The following KANSL1 variants were observed in gnomAD, a reference collection of about 807,000 sequenced individuals.
KANSL1 encodes KAT8 regulatory NSL complex subunit 1.
A neutral mutation model predicts 103.6 loss-of-function variants in KANSL1; 22 were observed. That is an observed-to-expected ratio of 0.21 (90% CI 0.15 to 0.30). KANSL1 has a LOEUF of 0.30. Ranked by LOEUF, KANSL1 falls within the 10% of genes least tolerant of loss-of-function variation. The pLI is 1.00. For missense variants in KANSL1, 1,337 were observed against 1,399.8 expected (o/e 0.96, Z 0.72); for synonymous variants, 600 against 527.6 (o/e 1.14, Z -1.88).
chr17:46,177,979 A>C (rs534153733), intron 1 of KANSL1, among the ~76,000 whole-genome samples: 5 of 152,272 alleles, frequency 3.3e-5, no homozygotes, highest in African/African-American at 1.2e-4. Context: ...GGGTTTCACC[A>C]TGTTAGCCAG....
chr17:46,208,133 T>C (rs1435145514), intron 1 of KANSL1, among the ~76,000 whole-genome samples: 1 of 151,760 alleles, frequency 6.6e-6, no homozygotes, highest in Non-Finnish European at 1.5e-5. Flanking sequence ...GTTTCAAAGA[T>C]AAAACAAAAA....
intron 2 of KANSL1, among the ~76,000 whole-genome samples, chr17:46,109,233 C>T (rs867007241): frequency 6.6e-6 from 1 of 152,286 alleles, no homozygotes; most frequent in Middle Eastern, 3.4e-3. Flanking sequence ...CAGGTGTGAG[C>T]CACTGCACCC....
chr17:46,055,465 C>CAAA (rs34767403), intron 6 of KANSL1, among the ~76,000 whole-genome samples: 1 of 119,994 alleles, frequency 8.3e-6, no homozygotes, highest in Non-Finnish European at 1.7e-5. Flanking sequence ...AACTCCCTCT[C>CAAA]AAAAAAAAAA....
In KANSL1 at chr17:46,218,813, G is replaced by T. The variant is rs77294312; in HGVS notation, c.-90+4858C>A. Among the ~76,000 whole-genome samples the T allele has an allele frequency of 2.0e-5, 3 of 151,802 alleles. No homozygotes were observed. In the South Asian group the frequency reaches 6.2e-4, roughly 31 times the overall value. The stretch of plus-strand genomic sequence containing the variant: ...AAAAAAAAATTAGTAATTACAATAA[G>T]AACAGTAGTAGTCCACTGAACCAAA... On this transcript the variant is annotated intron_variant, in intron 1 of 14. Coordinates refer to the KANSL1 transcript ENST00000572904.
At chr17:46,076,253 G>C (rs1038149275) in intron 4 of KANSL1, among the ~76,000 whole-genome samples, 12 of 152,152 alleles carry the variant, frequency 7.9e-5, no homozygotes, top group Non-Finnish European at 1.6e-4. Context: ...CCAGCACTTT[G>C]GGAGGCCGAG....
chr17:46,032,428 A>G, intron 13 of KANSL1, 129 bp from the exon 14 acceptor site: 3 of 713,820 alleles, frequency 4.2e-6, no homozygotes, highest in Non-Finnish European at 6.7e-6. Context: ...CTTAGGATCC[A>G]GCAACTCCCA....
chr17:46,108,471 T>A (rs1236899444), intron 2 of KANSL1, among the ~76,000 whole-genome samples: 1 of 152,260 alleles, frequency 6.6e-6, no homozygotes, highest in African/African-American at 2.4e-5. Flanking sequence ...TCTTTCCCGC[T>A]TCCTGGCTTT....
At chr17:46,200,371 G>C (rs1315137817) in intron 1 of KANSL1, among the ~76,000 whole-genome samples, 1 of 152,190 alleles carries the variant, frequency 6.6e-6, no homozygotes, top group Admixed American at 6.5e-5. Context: ...TGGAGGGCCT[G>C]ACAAAAGTGA....
chr17:46,220,399 G>A (rs1381690916), intron 1 of KANSL1, among the ~76,000 whole-genome samples: 1 of 151,910 alleles, frequency 6.6e-6, no homozygotes, highest in African/African-American at 2.4e-5. Context: ...TGTATTTTTA[G>A]TAGAGACGGG....
chr17:46,035,565 A>T (rs1220479800), intron 10 of KANSL1: 1 of 152,184 alleles, frequency 6.6e-6, no homozygotes, highest in Non-Finnish European at 1.5e-5. Flanking sequence ...TGGTTAACCA[A>T]AATGGTTAAA....
intron 2 of KANSL1, among the ~76,000 whole-genome samples, chr17:46,150,065 CAAAAA>C (rs61494872): frequency 1.9e-5 from 2 of 107,720 alleles, no homozygotes; most frequent in Non-Finnish European, 3.7e-5. Context: ...CTTTCCTTAC[CAAAAA>C]AAAAAAAAAA....
chr17:46,166,213 C>CCA (rs1555573289), intron 2 of KANSL1, among the ~76,000 whole-genome samples: 6 of 95,104 alleles, frequency 6.3e-5, no homozygotes, highest in Admixed American at 1.1e-4. Flanking sequence ...GACTCTGTCT[C>CCA]AAAAAAAAAA....
intron 1 of KANSL1, among the ~76,000 whole-genome samples, chr17:46,220,748 G>A (rs1267556881): frequency 1.3e-5 from 2 of 151,996 alleles, no homozygotes; most frequent in Non-Finnish European, 2.9e-5. Flanking sequence ...GGACAGCGGC[G>A]TGATCTCAGC....
intron 6 of KANSL1, among the ~76,000 whole-genome samples, chr17:46,057,041 A>C (rs1301290092): frequency 1.3e-5 from 2 of 152,236 alleles, no homozygotes; most frequent in Non-Finnish European, 1.5e-5. Context: ...AAAAATTCAA[A>C]GCACAGGCTC....
chr17:46,064,484 C>T (rs1285129199), intron 6 of KANSL1, among the ~76,000 whole-genome samples: 1 of 152,130 alleles, frequency 6.6e-6, no homozygotes, highest in Non-Finnish European at 1.5e-5. Context: ...GAAACCACTC[C>T]AACCATGCTT....
chr17:46,105,817 G>C (rs1342239484), intron 2 of KANSL1, among the ~76,000 whole-genome samples: 2 of 151,634 alleles, frequency 1.3e-5, no homozygotes, highest in African/African-American at 4.9e-5. Flanking sequence ...GCTGCAGTGA[G>C]TCGAGACTGC....
In KANSL1 at chr17:46,039,727, C is replaced by G. The variant is rs780291785; in HGVS notation, c.2178G>C (p.Leu726Phe). ...TGGCTGTTGTTAGGAAGGAGCTGAC[C>G]AATTTGTGCCTGTCCTTACGAGCTG... ...PDSARKDRHK[L>F]VSSFLTTAKL... Residue 726 changes from leucine (L) to phenylalanine (F), a missense_variant, in exon 8 of 15, where the codon TTG (leucine) becomes TTC (phenylalanine). By Grantham distance (22) the Leu-to-Phe change is conservative (BLOSUM62 0). Coordinates refer to ENST00000432791, the MANE Select transcript of KANSL1 (RefSeq NM_015443.4). 6.2e-7 allele frequency: 1 copy of G among 1,613,838 alleles called. No individual in the cohort carries two copies. The highest frequency in any genetic ancestry group is 1.1e-5 in the South Asian group (1 of 91,046).
intron 2 of KANSL1, among the ~76,000 whole-genome samples, chr17:46,130,353 T>C (rs2043803914): frequency 6.6e-6 from 1 of 152,186 alleles, no homozygotes; most frequent in African/African-American, 2.4e-5. Flanking sequence ...AAGTTGAGAA[T>C]CACCAATTTA....
At chr17:46,193,760 G>A (rs2147943093), upstream of KANSL1, 1 of 180,822 alleles carries the variant, frequency 5.5e-6, no homozygotes, top group African/African-American at 2.4e-5. Flanking sequence ...CTGAGGCACT[G>A]ACGCCGTCAC....
Sources: allele counts gnomAD v4.1 joint callset (sites outside exome capture counted in the v4.1 genomes callset), GRCh38; gene constraint gnomAD v4.1.1; transcripts MANE v1.5; gene names NCBI Gene and HGNC (gene_info 2026-07-23, HGNC 2026-07-21).